Variants in SNTG2 observed in about 807,000 individuals in gnomAD.
SNTG2 encodes the protein syntrophin gamma 2.
Under a neutral mutation model 70.9 loss-of-function variants are expected in SNTG2, and 74 were observed. That is an observed-to-expected ratio of 1.04 (90% CI 0.86 to 1.27). The LOEUF is 1.27. Ranked by LOEUF, SNTG2 falls within the 50% of genes most tolerant of loss-of-function variation. SNTG2 has a pLI of 0.00. For missense variants in SNTG2, 717 were observed against 690.7 expected (o/e 1.04, Z -0.43); for synonymous variants, 278 against 273.8 (o/e 1.02, Z -0.15).
chr2:1,155,897 A>G (rs571659874), intron 6 of SNTG2, among the ~76,000 whole-genome samples: 1 of 152,172 alleles, frequency 6.6e-6, no homozygotes, highest in East Asian at 1.9e-4. Flanking sequence ...CAATCAAGGA[A>G]TGCAAGCGCT....
At chr2:1,071,264 A>G (rs1471625715) in intron 1 of SNTG2, among the ~76,000 whole-genome samples, 1 of 151,340 alleles carries the variant, frequency 6.6e-6, no homozygotes, top group Non-Finnish European at 1.5e-5. Context: ...ATGTCCAACA[A>G]TGATAGACTG....
chr2:1,122,155 A>G (rs928962571), intron 4 of SNTG2, among the ~76,000 whole-genome samples: 3 of 152,218 alleles, frequency 2.0e-5, no homozygotes, highest in Non-Finnish European at 4.4e-5. Context: ...AGATGGCTTC[A>G]TGGCTGAATT....
rs1665532807 is a variant in SNTG2 at position 1,098,352 on chromosome 2, G to A, written c.268-1G>A. 1.9e-6 allele frequency: 3 copies of A among 1,613,854 alleles called. No individual in the cohort carries two copies. The Admixed American group carries it at 5.0e-5, about 27-fold the overall frequency. ...TTCTTTCTGATGGCTTTGTCTTTCAGGGAGGTTCTGAGCACAACGTCCCTG... is the reference window on the plus strand; with the variant it reads ...TTCTTTCTGATGGCTTTGTCTTTCAAGGAGGTTCTGAGCACAACGTCCCTG... On this transcript the variant is annotated splice_acceptor_variant, in intron 3 of 16. Transcript: ENST00000308624. LOFTEE classifies it high-confidence loss of function.
intron 8 of SNTG2, among the ~76,000 whole-genome samples, chr2:1,180,722 A>T (rs1271865733): frequency 6.6e-6 from 1 of 151,534 alleles, no homozygotes; most frequent in Non-Finnish European, 1.5e-5. Flanking sequence ...TACTGGGTAT[A>T]TACCCAAAGG....
intron 6 of SNTG2, among the ~76,000 whole-genome samples, chr2:1,150,012 C>A (rs182623448): frequency 6.6e-6 from 1 of 152,308 alleles, no homozygotes; most frequent in East Asian, 1.9e-4. Context: ...TTTCATTTGG[C>A]ACTCCTCCGT....
At position 1,265,568 on chromosome 2, in the gene SNTG2, C is replaced by T. The variant is rs147046965; in HGVS notation, c.1078-1797C>T. Among the ~76,000 whole-genome samples, 224 of 152,318 alleles carry T rather than the reference C, an allele frequency of 1.5e-3. 2 individuals carry two copies. Among genetic ancestry groups the T allele is most frequent in the East Asian group, 0.014 (71 of 5,182 alleles). ...GGCCAGGAGAGCCAGGGCATCCCCC[C>T]GGAGAGTCCAGAAGGCCCACCTGAG... On this transcript the variant is annotated intron_variant, in intron 13 of 16. Transcript: ENST00000308624.
intron 1 of SNTG2, among the ~76,000 whole-genome samples, chr2:1,016,265 G>A (rs879858038): frequency 6.6e-6 from 1 of 151,928 alleles, no homozygotes; most frequent in Admixed American, 6.6e-5. Context: ...GTTTTGCGAC[G>A]GAGTCTCGCT....
chr2:963,923 T>C (rs985211341), intron 1 of SNTG2, among the ~76,000 whole-genome samples: 2 of 152,136 alleles, frequency 1.3e-5, no homozygotes, highest in African/African-American at 4.8e-5. Flanking sequence ...TTGTTTCTTC[T>C]TTTTGTTTCT....
intron 6 of SNTG2, among the ~76,000 whole-genome samples, chr2:1,138,291 A>T (rs1163650767): frequency 6.6e-6 from 1 of 152,212 alleles, no homozygotes; most frequent in Non-Finnish European, 1.5e-5. Context: ...ACCTCTGAGG[A>T]TCACATAAGA....
At chr2:989,490 G>C (rs1661426491) in intron 1 of SNTG2, among the ~76,000 whole-genome samples, 1 of 152,132 alleles carries the variant, frequency 6.6e-6, no homozygotes, top group African/African-American at 2.4e-5. Flanking sequence ...TTTGTAGTCT[G>C]ATATGGTGTA....
At chr2:977,358 C>T (rs1000379750) in intron 1 of SNTG2, among the ~76,000 whole-genome samples, 8 of 152,148 alleles carry the variant, frequency 5.3e-5, no homozygotes, top group Non-Finnish European at 1.2e-4. Context: ...CAGGGAGCAG[C>T]GTGAATGGTG....
At chr2:1,106,113 T>C (rs1387134634) in intron 4 of SNTG2, among the ~76,000 whole-genome samples, 1 of 130,318 alleles carries the variant, frequency 7.7e-6, no homozygotes, top group Non-Finnish European at 1.6e-5. Flanking sequence ...GAGAGCTCCT[T>C]GGTAATAGTG....
chr2:1,255,650 C>T (rs574001098), intron 12 of SNTG2, among the ~76,000 whole-genome samples: 30 of 151,852 alleles, frequency 2.0e-4, no homozygotes, highest in Non-Finnish European at 3.2e-4. Flanking sequence ...CGCCTGGCCA[C>T]ACTCAGGCAT....
chr2:1,188,406 A>G (rs935430714), intron 8 of SNTG2, among the ~76,000 whole-genome samples: 5 of 152,194 alleles, frequency 3.3e-5, no homozygotes, highest in Admixed American at 2.0e-4. Context: ...AAATGTAAAT[A>G]GATAAATTTG....
chr2:1,353,843 G>A lies in SNTG2; in HGVS notation c.1489-13500G>A, dbSNP rs1041451403. On this transcript the variant is annotated intron_variant, in intron 16 of 16. Coordinates refer to ENST00000308624, the MANE Select transcript of SNTG2 (RefSeq NM_018968.4). The surrounding 1 kb of genome is among the most constrained non-coding windows in gnomAD (Gnocchi z 4.2). ...GTAAGGAGGTGTGATTTCCACTGGA[G>A]GAGATTGATTGAGGACATTTGGTAA... 2.0e-5 allele frequency: 3 copies of A among 152,232 alleles called. No homozygotes were observed. The highest frequency in any genetic ancestry group is 2.9e-5 in the Non-Finnish European group (2 of 68,054). 9.4% of individuals were successfully genotyped at this position (152,232 alleles called of 1,614,324 possible).
chr2:1,173,030 A>G (rs1246075847), intron 7 of SNTG2, 62 bp from the exon 8 acceptor site: 3 of 1,461,942 alleles, frequency 2.1e-6, no homozygotes, highest in Non-Finnish European at 2.9e-6. Flanking sequence ...AAGTCACTGC[A>G]TGGTCACAGT....
At chr2:1,252,457 A>T (rs1334016760) in intron 12 of SNTG2, among the ~76,000 whole-genome samples, 1 of 152,232 alleles carries the variant, frequency 6.6e-6, no homozygotes, top group Non-Finnish European at 1.5e-5. Context: ...TTAGTACATT[A>T]TAAATATCAT....
At chr2:1,141,918 G>T (rs28788304) in intron 6 of SNTG2, among the ~76,000 whole-genome samples, 1 of 151,878 alleles carries the variant, frequency 6.6e-6, no homozygotes, top group African/African-American at 2.4e-5. Context: ...AGGCACTGGG[G>T]CTCCAAGGAC....
chr2:1,280,987 T>A (rs1383553541), intron 14 of SNTG2, among the ~76,000 whole-genome samples: 1 of 152,252 alleles, frequency 6.6e-6, no homozygotes, highest in African/African-American at 2.4e-5. Flanking sequence ...AAAGGCCTAC[T>A]GGCCCTTATC....
Sources: allele counts gnomAD v4.1 joint callset (sites outside exome capture counted in the v4.1 genomes callset), GRCh38; gene constraint gnomAD v4.1.1; non-coding constraint Gnocchi (gnomAD v3.1); transcripts MANE v1.5; gene names NCBI Gene and HGNC (gene_info 2026-07-23, HGNC 2026-07-21).